Variants in IL31RA observed in about 807,000 individuals in gnomAD.
IL31RA encodes interleukin-31 receptor subunit alpha.
A neutral mutation model predicts 83.7 loss-of-function variants in IL31RA; 66 were observed. The ratio of observed to expected loss-of-function variants is 0.79; its 90% CI spans 0.65 to 0.97. The LOEUF (loss-of-function observed/expected upper bound fraction) is 0.97, where lower values mean the gene tolerates loss of function less well. Among genes scored for constraint, IL31RA ranks in the 50% least tolerant of loss-of-function variants. The pLI is 0.00. For synonymous variants in IL31RA, 325 were observed against 329.0 expected (o/e 0.99, Z 0.13); for missense variants, 798 against 919.4 (o/e 0.87, Z 1.71).
At chr5:55,865,501 T>C (rs1218283270) in intron 2 of IL31RA, among the ~76,000 whole-genome samples, 2 of 152,170 alleles carry the variant, frequency 1.3e-5, no homozygotes, top group African/African-American at 4.8e-5. Flanking sequence ...TGAATGTATA[T>C]ACAAACACAC....
intron 5 of IL31RA, among the ~76,000 whole-genome samples, chr5:55,888,535 AT>A (rs1191766218): frequency 2.0e-5 from 3 of 152,216 alleles, no homozygotes; most frequent in Non-Finnish European, 4.4e-5. Flanking sequence ...AATATTATAT[AT>A]TTTTTAAAGC....
chr5:55,902,377 G>C (rs1748875665), intron 8 of IL31RA: 1 of 148,630 alleles, frequency 6.7e-6, no homozygotes, highest in African/African-American at 2.5e-5. Context: ...TGTAATCCCA[G>C]CACTTTGAGG....
intron 5 of IL31RA, among the ~76,000 whole-genome samples, chr5:55,888,506 T>C (rs1747780739): frequency 6.6e-6 from 1 of 152,044 alleles, no homozygotes; most frequent in African/African-American, 2.4e-5. Context: ...GGAGGAAAAA[T>C]TGAAAGGTTA....
At chr5:55,914,053 C>T (rs1229844238) in intron 13 of IL31RA, among the ~76,000 whole-genome samples, 1 of 152,228 alleles carries the variant, frequency 6.6e-6, no homozygotes, top group Non-Finnish European at 1.5e-5. Context: ...GGTCTGGCTG[C>T]AGGGGCCTTT....
chr5:55,878,093 T>C (rs1746971501), intron 4 of IL31RA, among the ~76,000 whole-genome samples: 1 of 152,216 alleles, frequency 6.6e-6, no homozygotes. Context: ...TTGTTTCTTA[T>C]GCCTGCTTAA....
At position 55,851,649 on chromosome 5, in the gene IL31RA, G is replaced by A; in HGVS notation, c.63+16G>A. 6.2e-7 allele frequency: 1 copy of A among 1,613,800 alleles called. No individual in the cohort carries two copies. Among genetic ancestry groups the A allele is most frequent in the Non-Finnish European group, 8.5e-7 (1 of 1,179,808 alleles). On this transcript the variant is annotated intron_variant, in intron 1 of 14. Coordinates refer to ENST00000652347, the MANE Select transcript of IL31RA (RefSeq NM_139017.7). ...GCAAAACATTGTGAGTATTGATTTG[G>A]GGGGTTACAAATAATTCCTAGCAAG...
intron 6 of IL31RA, among the ~76,000 whole-genome samples, chr5:55,894,947 C>T (rs1199245610): frequency 1.3e-5 from 2 of 152,110 alleles, no homozygotes; most frequent in Admixed American, 6.5e-5. Context: ...GAACTCCTGA[C>T]CTCAAGTGAT....
chr5:55,906,256 T>C lies in IL31RA; in HGVS notation c.1220T>C (p.Val407Ala). ...CCCACCACCCTTTCCTGGGAATCTG[T>C]GTCTCAGGCCACGAACTGGACGATC... ...SEPTTLSWES[V>A]SQATNWTIQQ... Residue 407 changes from valine to alanine, a missense_variant, in exon 9 of 15, where the codon GTG becomes GCG. Coordinates refer to ENST00000652347, the MANE Select transcript of IL31RA (RefSeq NM_139017.7). 1.2e-6 allele frequency: 2 copies of C among 1,614,152 alleles called. No individual in the cohort carries two copies. The highest frequency in any genetic ancestry group is 1.7e-6 in the Non-Finnish European group (2 of 1,180,014).
upstream of IL31RA, among the ~76,000 whole-genome samples, chr5:55,848,264 A>C (rs961040300): frequency 6.6e-6 from 1 of 152,238 alleles, no homozygotes; most frequent in African/African-American, 2.4e-5. Flanking sequence ...TTTTTCTATA[A>C]GGAAAATTAG....
Position 55,919,551 on chromosome 5 carries a change from C to G in IL31RA, c.*2431C>G, listed in dbSNP as rs1366379235. Reference sequence around the variant, plus strand: ...CCCTATCTTGTGCTTTGTTTTCCCCCACTGCCAGAGCTTCTCATCTTTTAA... The same window carrying G: ...CCCTATCTTGTGCTTTGTTTTCCCCGACTGCCAGAGCTTCTCATCTTTTAA... On this transcript the variant is annotated 3_prime_UTR_variant, in exon 15 of 15. Coordinates refer to ENST00000652347, the MANE Select transcript of IL31RA (RefSeq NM_139017.7). Among the ~76,000 whole-genome samples the G allele has an allele frequency of 1.3e-5, 2 of 152,204 alleles. No individual in the cohort carries two copies. The highest frequency in any genetic ancestry group is 4.1e-4 in the South Asian group (2 of 4,832).
chr5:55,866,332 G>A lies in IL31RA; in HGVS notation c.155-2459G>A, dbSNP rs765645163. ...CCTAGCCTTTTTGGCACCAGGGACCGGTTTCATGGAAGACAATTTTTCCAT... is the reference window on the plus strand; with the variant it reads ...CCTAGCCTTTTTGGCACCAGGGACCAGTTTCATGGAAGACAATTTTTCCAT... On this transcript the variant is annotated intron_variant, in intron 2 of 14. Coordinates refer to ENST00000652347, the MANE Select transcript of IL31RA (RefSeq NM_139017.7). 2.2e-4 allele frequency among the ~76,000 whole-genome samples: 33 copies of A among 152,192 alleles called. 1 individual carries two copies. The highest frequency in any genetic ancestry group is 2.0e-3 in the Admixed American group (30 of 15,290).
rs752700330 is a variant in IL31RA, at chr5:55,917,094, C to T, written c.2269C>T (p.Pro757Ser). The T allele has an allele frequency of 6.2e-6, 10 of 1,614,054 alleles. No homozygotes were observed. In the Admixed American group the frequency reaches 1.2e-4, roughly 19 times the overall value. Residue 757 changes from proline (P) to serine (S), a missense_variant, in exon 15 of 15, where the codon CCA (proline) becomes TCA (serine). Physicochemically the swap from Pro to Ser is moderately conservative, Grantham distance 74 (BLOSUM62 -1). Coordinates refer to ENST00000652347, the MANE Select transcript of IL31RA (RefSeq NM_139017.7). ...AREFLVSEKL[P>S]EHTKGEV The stretch of plus-strand genomic sequence containing the variant: ...GGAATTTCTTGTGTCTGAAAAACTT[C>T]CAGAGCACACCAAGGGAGAAGTCTA...
chr5:55,876,276 C>T (rs1026263702), intron 4 of IL31RA, among the ~76,000 whole-genome samples: 6 of 151,932 alleles, frequency 3.9e-5, no homozygotes, highest in East Asian at 1.9e-4. Flanking sequence ...CATGGTGGTG[C>T]GCACCTGTAG....
Position 55,908,503 on chromosome 5 carries a change from T to C in IL31RA, c.1501+92T>C, listed in dbSNP as rs73118497. 24,132 of 1,612,122 alleles carry C rather than the reference T, an allele frequency of 0.015. 1,270 individuals are homozygous for C. In the African/African-American group the frequency reaches 0.17, roughly 12 times the overall value. On this transcript the variant is annotated intron_variant, in intron 11 of 14. Coordinates refer to ENST00000652347, the MANE Select transcript of IL31RA (RefSeq NM_139017.7). ...TTGTAGGCATGGCTCCCCCATCTCA[T>C]TGTGACTTGCAACCTGGCATGAATC...
chr5:55,856,088 G>A (rs1156312201), intron 1 of IL31RA, among the ~76,000 whole-genome samples: 2 of 152,136 alleles, frequency 1.3e-5, no homozygotes, highest in Non-Finnish European at 2.9e-5. Context: ...GTTCAGATGG[G>A]GTTTTGCCAT....
In IL31RA at chr5:55,916,930, AC is replaced by A. The variant is rs774607713; in HGVS notation, c.2107del (p.Leu703TyrfsTer24). On this transcript the variant is annotated frameshift_variant, in exon 15 of 15. Coordinates refer to ENST00000652347, the MANE Select transcript of IL31RA (RefSeq NM_139017.7). LOFTEE classifies it low-confidence loss of function (END_TRUNC). ...GAGATTCCGCCCAGAAAATCCCAAT[AC>A]CTACGTTCGAGGATGCCAGAGGGGA... ...SPEIPPRKSQ[Y>X]LRSRMPEGTR... 6.2e-7 allele frequency: 1 copy of A among 1,613,936 alleles called. No individual in the cohort carries two copies. The highest frequency in any genetic ancestry group is 1.3e-5 in the African/African-American group (1 of 74,998).
At chr5:55,891,722 T>C (rs1213089491) in intron 6 of IL31RA, among the ~76,000 whole-genome samples, 1 of 145,174 alleles carries the variant, frequency 6.9e-6, no homozygotes, top group Admixed American at 7.0e-5. Context: ...CCTTTTACCA[T>C]ATAAGGAAAC....
intron 6 of IL31RA, among the ~76,000 whole-genome samples, chr5:55,893,809 ATTTTTT>A (rs66540216): frequency 7.9e-6 from 1 of 125,926 alleles, no homozygotes; most frequent in Non-Finnish European, 1.6e-5. Flanking sequence ...CTATGAGATA[ATTTTTT>A]TTTTTTTTTT....
At chr5:55,878,652 C>CT (rs1039447130) in intron 4 of IL31RA, among the ~76,000 whole-genome samples, 3 of 151,894 alleles carry the variant, frequency 2.0e-5, no homozygotes, top group Non-Finnish European at 4.4e-5. Flanking sequence ...CACACAGCTG[C>CT]TTTTTTTTCT....
Sources: allele counts gnomAD v4.1 joint callset (sites outside exome capture counted in the v4.1 genomes callset), GRCh38; gene constraint gnomAD v4.1.1; transcripts MANE v1.5; gene names NCBI Gene and HGNC (gene_info 2026-07-23, HGNC 2026-07-21).